The following HCN1 variants were observed in gnomAD, a reference collection of about 807,000 sequenced individuals.
The protein encoded by HCN1 is potassium/sodium hyperpolarization-activated cyclic nucleotide-gated channel 1.
HCN1 carries 13 observed loss-of-function variants against 78.9 expected under a neutral mutation model. The observed-to-expected ratio is 0.16, with a 90% confidence interval of 0.11 to 0.26. The LOEUF (loss-of-function observed/expected upper bound fraction) is 0.26, where lower values mean the gene tolerates loss of function less well. Among genes scored for constraint, HCN1 ranks in the 10% least tolerant of loss-of-function variants. HCN1 has a pLI of 1.00. For missense variants in HCN1, 810 were observed against 1,154.3 expected, an observed-to-expected ratio of 0.70 and a Z score of 4.32; for synonymous variants, 552 against 455.5, an observed-to-expected ratio of 1.21 and a Z score of -2.70.
In HCN1 at chr5:45,267,106, T is replaced by A. The variant is rs1744874513; in HGVS notation, c.1766A>T (p.Asp589Val). The change falls in exon 7 of 8, where the codon GAC becomes GTC. Residue 589 changes from aspartate (D) to valine (V), a missense_variant. Physicochemically the swap from Asp to Val is radical, Grantham distance 152. This residue lies in a region of HCN1 where 36 missense variants were observed against 58.5 expected (regional missense o/e 0.62). Transcript: ENST00000303230. ...TAGAGTACCTATTCGATCTAGTCGG[T>A]CAATGGCAACTGTCTCAAAGGCTCT... ...MRRAFETVAI[D>V]RLDRIGKKNS... 1 of 1,613,446 alleles carries A rather than the reference T, an allele frequency of 6.2e-7. No individual in the cohort carries two copies. The highest frequency in any genetic ancestry group is 8.5e-7 in the Non-Finnish European group (1 of 1,179,518).
chr5:45,259,727 A>T lies in HCN1; in HGVS notation c.*2194T>A, dbSNP rs1744691306. ...TTCCCAATAGTGCTCAAAATAAAAA[A>T]CCAAAAATTTATATATATAAAAATA... On this transcript the variant is annotated 3_prime_UTR_variant, in exon 8 of 8. Coordinates refer to ENST00000303230, the MANE Select transcript of HCN1 (RefSeq NM_021072.4). 6.6e-6 allele frequency: 1 copy of T among 152,396 alleles called. No homozygotes were observed. The highest frequency in any genetic ancestry group is 2.4e-5 in the African/African-American group (1 of 41,416). The allele number at this position is 152,396 out of a possible 1,614,324, so 9.4% of individuals were successfully genotyped here. A position where few individuals can be genotyped will look rare whatever the true frequency, so the allele number is the denominator to read the frequency against.
chr5:45,666,904 T>C (rs1386079678), intron 1 of HCN1, among the ~76,000 whole-genome samples: 6 of 151,932 alleles, frequency 3.9e-5, no homozygotes, highest in Admixed American at 2.6e-4. Context: ...AATTGGAAGA[T>C]ATCCAGAAAA....
chr5:45,301,225 T>A (rs939566799), intron 6 of HCN1, among the ~76,000 whole-genome samples: 1 of 151,984 alleles, frequency 6.6e-6, no homozygotes, highest in African/African-American at 2.4e-5. Context: ...CTTCATTAAT[T>A]ATTTTGGAAA....
rs1268035487 is a variant in HCN1 at position 45,255,470 on chromosome 5, C to A, written c.*6451G>T. 6.6e-6 allele frequency: 1 copy of A among 152,170 alleles called. No individual in the cohort carries two copies. The highest frequency in any genetic ancestry group is 2.4e-5 in the African/African-American group (1 of 41,416). 9.4% of individuals were successfully genotyped at this position (152,170 alleles called of 1,614,324 possible). On this transcript the variant is annotated 3_prime_UTR_variant, in exon 8 of 8. Coordinates refer to ENST00000303230, the MANE Select transcript of HCN1 (RefSeq NM_021072.4). ...TAGGTACAGGGTAAGGCCAAGGACT[C>A]TGCACTTCTTGTAATTATACTTCTG... is the stretch of plus-strand genomic sequence containing the variant.
chr5:45,546,704 C>T (rs369024532), intron 2 of HCN1, among the ~76,000 whole-genome samples: 34 of 151,886 alleles, frequency 2.2e-4, no homozygotes, highest in Admixed American at 1.1e-3. Context: ...TAATTTATAA[C>T]GCACCTATCC....
At chr5:45,372,697 A>G (rs895538057) in intron 4 of HCN1, among the ~76,000 whole-genome samples, 82 of 142,790 alleles carry the variant, frequency 5.7e-4, no homozygotes, top group Non-Finnish European at 1.2e-3. Flanking sequence ...ATATAAAAAT[A>G]TATACGTATT....
intron 3 of HCN1, among the ~76,000 whole-genome samples, chr5:45,433,654 GTATTT>G (rs1197180532): frequency 6.6e-6 from 1 of 152,102 alleles, no homozygotes; most frequent in African/African-American, 2.4e-5. Flanking sequence ...AGCTGCTGAT[GTATTT>G]TTCTCTTCCT....
intron 2 of HCN1, among the ~76,000 whole-genome samples, chr5:45,595,752 C>A (rs367971648): frequency 9.2e-5 from 14 of 151,682 alleles, no homozygotes; most frequent in South Asian, 6.3e-4. Context: ...TAAAAAAAAA[C>A]CAAACAACCA....
intron 3 of HCN1, among the ~76,000 whole-genome samples, chr5:45,442,871 G>T (rs1480279531): frequency 6.6e-6 from 1 of 152,016 alleles, no homozygotes; most frequent in Non-Finnish European, 1.5e-5. Flanking sequence ...TAATCAGTTT[G>T]ATTAGGCTAG....
intron 1 of HCN1, among the ~76,000 whole-genome samples, chr5:45,655,716 A>C (rs1203941477): frequency 6.6e-6 from 1 of 152,116 alleles, no homozygotes; most frequent in Non-Finnish European, 1.5e-5. Context: ...CCAGAGGCTC[A>C]AAGTGATAGC....
At chr5:45,455,345 T>A (rs892829226) in intron 3 of HCN1, among the ~76,000 whole-genome samples, 2 of 152,200 alleles carry the variant, frequency 1.3e-5, no homozygotes, top group Middle Eastern at 3.4e-3. Flanking sequence ...TTTCACTGGA[T>A]TATAAATGTA....
chr5:45,372,146 T>TTA (rs1554021039), intron 4 of HCN1, among the ~76,000 whole-genome samples: 1 of 54,050 alleles, frequency 1.9e-5, no homozygotes, highest in Non-Finnish European at 2.7e-5. Context: ...TAATAATATA[T>TTA]TATATAATAT....
At chr5:45,460,343 T>C (rs972373218) in intron 3 of HCN1, among the ~76,000 whole-genome samples, 1 of 152,108 alleles carries the variant, frequency 6.6e-6, no homozygotes, top group East Asian at 1.9e-4. Flanking sequence ...GGTGCCACCT[T>C]AGATACAGAA....
intron 2 of HCN1, among the ~76,000 whole-genome samples, chr5:45,564,268 T>C (rs1743663305): frequency 6.6e-6 from 1 of 152,108 alleles, no homozygotes; most frequent in East Asian, 1.9e-4. Flanking sequence ...AGGAAGCTTT[T>C]TTTTTTTTTT....
chr5:45,648,430 A>G (rs2112036702), intron 1 of HCN1, among the ~76,000 whole-genome samples: 1 of 152,158 alleles, frequency 6.6e-6, no homozygotes, highest in Admixed American at 6.6e-5. Context: ...ACTCTGTTAA[A>G]CCCCATAATA....
chr5:45,528,601 A>G (rs1742785758), intron 2 of HCN1, among the ~76,000 whole-genome samples: 2 of 152,026 alleles, frequency 1.3e-5, no homozygotes, highest in Admixed American at 6.6e-5. Flanking sequence ...AACCTTCCAA[A>G]GCAGCATATT....
intron 2 of HCN1, among the ~76,000 whole-genome samples, chr5:45,560,437 C>T (rs1329924649): frequency 3.3e-5 from 5 of 151,856 alleles, no homozygotes; most frequent in Admixed American, 6.6e-5. Context: ...TTTCATAGCT[C>T]ATCATTATGT....
intron 2 of HCN1, among the ~76,000 whole-genome samples, chr5:45,511,425 T>C (rs1293174300): frequency 6.6e-6 from 1 of 151,978 alleles, no homozygotes; most frequent in Non-Finnish European, 1.5e-5. Flanking sequence ...AAGATAAACA[T>C]TATGGTAGAT....
chr5:45,536,753 AT>A (rs1291296855), intron 2 of HCN1, among the ~76,000 whole-genome samples: 1 of 152,200 alleles, frequency 6.6e-6, no homozygotes, highest in African/African-American at 2.4e-5. Context: ...TGAATAATAA[AT>A]AGTAATAATA....
Sources: gnomAD v4.1 joint callset for allele counts (sites outside exome capture counted in the v4.1 genomes callset) on GRCh38, gnomAD v4.1.1 for gene constraint, gnomAD v4.1.1 regional missense constraint, MANE v1.5 for transcripts, NCBI Gene and HGNC (gene_info 2026-07-23, HGNC 2026-07-21) for gene names.